The following PRH1 variants were observed in gnomAD, a reference collection of about 807,000 sequenced individuals.
The protein encoded by PRH1 is proline rich protein HaeIII subfamily 1, also known as salivary acidic proline-rich phosphoprotein 1/2.
A neutral mutation model predicts 7.9 loss-of-function variants in PRH1; 7 were observed. The observed-to-expected ratio is 0.89, with a 90% CI of 0.50 to 1.67. The LOEUF is 1.67. PRH1 is among the 40% of genes most tolerant of loss of function. The probability of loss-of-function intolerance (pLI) is 0.00; values close to 1 mark genes in which losing one functional copy is unlikely to be tolerated. For synonymous variants in PRH1, 45 were observed against 80.8 expected, an observed-to-expected ratio of 0.56 and a Z score of 2.38; for missense variants, 109 against 223.6, an observed-to-expected ratio of 0.49 and a Z score of 3.27.
At chr12:11,105,936 C>CTTTTTTT (rs765916131) in intron 1 of PRH1, among the ~76,000 whole-genome samples, 22 of 94,962 alleles carry the variant, frequency 2.3e-4, no homozygotes, top group East Asian at 4.9e-4. Flanking sequence ...ATAACTTATT[C>CTTTTTTT]TTTTTTTTTT....
intron 1 of PRH1, chr12:11,133,461 T>C (rs775547728): frequency 6.2e-7 from 1 of 1,614,088 alleles, no homozygotes; most frequent in South Asian, 1.1e-5. Context: ...TGGCAGAACA[T>C]GAAGACAGGT....
chr12:10,928,805 A>T (rs912042056), intron 2 of PRH1, among the ~76,000 whole-genome samples: 8 of 152,352 alleles, frequency 5.3e-5, no homozygotes, highest in Admixed American at 3.9e-4. Context: ...ATAGGCTATC[A>T]AAAGAGTCAG....
At chr12:10,988,344 T>C (rs1341157124) in intron 1 of PRH1, among the ~76,000 whole-genome samples, 2 of 151,626 alleles carry the variant, frequency 1.3e-5, no homozygotes, top group South Asian at 2.1e-4. Flanking sequence ...AAAAGAAAAA[T>C]AGATGGGGAG....
At position 11,092,349 on chromosome 12, in the gene PRH1, T is replaced by C. The variant is rs1268122622; in HGVS notation, n.124-45161A>G. ...GAGCCACTGACCTTCACGGTGAGTGTTGCTGCTCTTAAAGATGGTGTGGAC... is the reference window on the plus strand; with the variant it reads ...GAGCCACTGACCTTCACGGTGAGTGCTGCTGCTCTTAAAGATGGTGTGGAC... On this transcript the variant is annotated intron_variant and non_coding_transcript_variant, in intron 1 of 4. Transcript: ENST00000541977. 3.6e-6 allele frequency: 2 copies of C among 549,366 alleles called. 1 individual carries two copies. Among genetic ancestry groups the C allele is most frequent in the Non-Finnish European group, 6.4e-6 (2 of 311,602 alleles). 34.0% of individuals were successfully genotyped at this position (549,366 alleles called of 1,614,324 possible).
At chr12:11,100,289 A>T (rs1945196802) in intron 1 of PRH1, among the ~76,000 whole-genome samples, 1 of 152,194 alleles carries the variant, frequency 6.6e-6, no homozygotes, top group Non-Finnish European at 1.5e-5. Flanking sequence ...TCCTGACATG[A>T]AAATGGTAAT....
intron 2 of PRH1, among the ~76,000 whole-genome samples, chr12:10,960,164 A>G (rs957357343): frequency 6.6e-6 from 1 of 152,240 alleles, no homozygotes; most frequent in Admixed American, 6.5e-5. Context: ...ATAACTATAA[A>G]TCAAGAGGAA....
intron 1 of PRH1, among the ~76,000 whole-genome samples, chr12:11,124,701 GATGTAA>G (rs1308078739): frequency 2.2e-4 from 33 of 152,210 alleles, no homozygotes; most frequent in Admixed American, 1.8e-3. Flanking sequence ...TAATAAGATA[GATGTAA>G]ATGTAGATGA....
intron 1 of PRH1, among the ~76,000 whole-genome samples, chr12:11,150,743 C>G (rs560308576): frequency 6.6e-6 from 1 of 152,124 alleles, no homozygotes; most frequent in Non-Finnish European, 1.5e-5. Flanking sequence ...ATGGGTGCAG[C>G]ACACCAGCAT....
chr12:10,930,668 G>A (rs1249918846), intron 2 of PRH1: 3 of 1,613,734 alleles, frequency 1.9e-6, no homozygotes, highest in Admixed American at 1.7e-5. Context: ...ACAGATGGAG[G>A]AGACTCTGAG....
chr12:10,904,126 C>T (rs1949768203), intron 2 of PRH1, among the ~76,000 whole-genome samples: 1 of 151,386 alleles, frequency 6.6e-6, no homozygotes, highest in South Asian at 2.1e-4. Flanking sequence ...CAACTCTATT[C>T]CTATCAAGCT....
intron 2 of PRH1, among the ~76,000 whole-genome samples, chr12:10,925,209 T>C (rs1358922947): frequency 6.6e-6 from 1 of 152,228 alleles, no homozygotes; most frequent in African/African-American, 2.4e-5. Context: ...CTTAATTTTC[T>C]TGGTCATGAG....
intron 1 of PRH1, among the ~76,000 whole-genome samples, chr12:11,167,570 G>C (rs961271001): frequency 2.6e-5 from 4 of 151,466 alleles, no homozygotes; most frequent in East Asian, 1.9e-4. Context: ...TCAGCCTCCC[G>C]AGTAGGTGGG....
chr12:11,050,654 T>C (rs1038741380), upstream of PRH1, among the ~76,000 whole-genome samples: 6 of 152,170 alleles, frequency 3.9e-5, no homozygotes, highest in African/African-American at 7.2e-5. Context: ...ATTAAAACAG[T>C]CAGCAATTTT....
At chr12:10,903,936 A>AAAAAAAAAAAAAAAAAAAAAC (rs1949762403) in intron 2 of PRH1, among the ~76,000 whole-genome samples, 2 of 142,418 alleles carry the variant, frequency 1.4e-5, no homozygotes, top group Non-Finnish European at 3.1e-5. Context: ...AGCCTCAAAA[A>AAAAAAAAAAAAAAAAAAAAAC]AAAAAAAAAA....
chr12:10,935,941 C>T (rs1950281146), intron 2 of PRH1, among the ~76,000 whole-genome samples: 1 of 152,112 alleles, frequency 6.6e-6, no homozygotes, highest in African/African-American at 2.4e-5. Context: ...ATGGACATTA[C>T]AGGCTTGGCA....
rs139046050 is a variant in PRH1, at chr12:10,933,673, A to G, written c.-59+39982T>C. 4.9e-3 allele frequency among the ~76,000 whole-genome samples: 742 copies of G among 152,202 alleles called. 7 individuals carry two copies. In the Middle Eastern group the frequency reaches 0.051, roughly 10 times the overall value. ...TATTTAATATATTTTTTAAAAAACA[A>G]TTCTTGTAAAATACTTTTTTGATTA... On this transcript the variant is annotated intron_variant, in intron 2 of 3. Transcript: ENST00000539853.
intron 1 of PRH1, among the ~76,000 whole-genome samples, chr12:11,096,266 T>C (rs1945066272): frequency 8.7e-6 from 1 of 115,574 alleles, no homozygotes; most frequent in South Asian, 2.4e-4. Flanking sequence ...TTGATCTCTT[T>C]ATGCTTCATT....
intron 1 of PRH1, chr12:10,997,246 C>T (rs751837600): frequency 9.3e-6 from 15 of 1,614,048 alleles, no homozygotes; most frequent in South Asian, 4.4e-5. Flanking sequence ...TGCCATGGAG[C>T]TGCATCTTCT....
In PRH1 at chr12:10,984,764, C is replaced by T. The variant is rs137996844; in HGVS notation, c.-125-11043G>A. ...ATTGTTTAATGATGTTATACATTTTCTTCCTATAATAGAACTTGCTATTAC... is the reference window on the plus strand; with the variant it reads ...ATTGTTTAATGATGTTATACATTTTTTTCCTATAATAGAACTTGCTATTAC... On this transcript the variant is annotated intron_variant, in intron 1 of 3. Coordinates refer to the PRH1 transcript ENST00000539853. 4.4e-3 allele frequency among the ~76,000 whole-genome samples: 671 copies of T among 151,996 alleles called. 9 individuals are homozygous for T. Among genetic ancestry groups the T allele is most frequent in the African/African-American group, 0.015 (641 of 41,448 alleles).
Sources: allele counts gnomAD v4.1 joint callset (sites outside exome capture counted in the v4.1 genomes callset), GRCh38; gene constraint gnomAD v4.1.1; transcripts MANE v1.5; gene names NCBI Gene and HGNC (gene_info 2026-07-23, HGNC 2026-07-21).